GAD2: variants seen among roughly 807,000 people sequenced by gnomAD.
The protein encoded by GAD2 is 65 kDa glutamic acid decarboxylase.
Under a neutral mutation model 80.1 loss-of-function variants are expected in GAD2, and 22 were observed. The observed-to-expected ratio is 0.27, with a 90% CI of 0.20 to 0.39. GAD2 has a LOEUF of 0.39. Among genes scored for constraint, GAD2 ranks in the 10% least tolerant of loss-of-function variants. The pLI is 1.00. For synonymous variants in GAD2, 274 were observed against 256.9 expected, an observed-to-expected ratio of 1.07 and a Z score of -0.64; for missense variants, 624 against 738.4, an observed-to-expected ratio of 0.85 and a Z score of 1.80.
chr10:26,291,114 A>G lies in GAD2; in HGVS notation c.1387-1351A>G, dbSNP rs905856506. On this transcript the variant is annotated intron_variant, in intron 13 of 15. Coordinates refer to ENST00000376261, the MANE Select transcript of GAD2 (RefSeq NM_001134366.2). Reference sequence around the variant, plus strand: ...GTTGGCCAAAGCCATTCATCTGGACAGGGTCAGAGGCAAGCTGGTCATGCC... The same window carrying G: ...GTTGGCCAAAGCCATTCATCTGGACGGGGTCAGAGGCAAGCTGGTCATGCC... Among the ~76,000 whole-genome samples the G allele has an allele frequency of 5.3e-5, 8 of 152,370 alleles. No individual in the cohort carries two copies. In the East Asian group the frequency reaches 1.5e-3, roughly 29 times the overall value.
rs191813826 is a variant in GAD2, at chr10:26,233,583, A to G, written c.840+3806A>G. Among the ~76,000 whole-genome samples, 4 of 152,294 alleles carry G rather than the reference A, an allele frequency of 2.6e-5. No individual in the cohort carries two copies. In the East Asian group the frequency reaches 7.7e-4, roughly 29 times the overall value. On this transcript the variant is annotated intron_variant, in intron 7 of 15. Coordinates refer to ENST00000376261, the MANE Select transcript of GAD2 (RefSeq NM_001134366.2). ...GTTCCTTCTGGGCTCTAGACCTCAG[A>G]CATTATTTTCAATTCATCATTTAGT... is the stretch of plus-strand genomic sequence containing the variant.
rs1018582427 is a variant in GAD2, at chr10:26,250,231, G to A, written c.920+4231G>A. 3.3e-5 allele frequency among the ~76,000 whole-genome samples: 5 copies of A among 152,092 alleles called. No homozygotes were observed. The South Asian group carries it at 1.0e-3, about 32-fold the overall frequency. On this transcript the variant is annotated intron_variant, in intron 8 of 15. Transcript: ENST00000376261. Reference sequence around the variant, plus strand: ...GAGTCTCACTATGTTGACCAAGATGGTCTTGAACTCCTAGCCTCAAACAAT... The same window carrying A: ...GAGTCTCACTATGTTGACCAAGATGATCTTGAACTCCTAGCCTCAAACAAT...
At chr10:26,261,340 A>G (rs1023959845) in intron 8 of GAD2, among the ~76,000 whole-genome samples, 3 of 152,162 alleles carry the variant, frequency 2.0e-5, no homozygotes, top group Admixed American at 2.0e-4. Context: ...ATTTTGGTCT[A>G]TGGTGTTTGG....
intron 6 of GAD2, among the ~76,000 whole-genome samples, chr10:26,228,801 C>T (rs925745587): frequency 6.6e-6 from 1 of 152,032 alleles, no homozygotes; most frequent in Non-Finnish European, 1.5e-5. Context: ...CTCCACCCCA[C>T]CCCCACCAGC....
intron 8 of GAD2, among the ~76,000 whole-genome samples, chr10:26,246,401 C>G (rs1434935464): frequency 6.6e-6 from 1 of 152,114 alleles, no homozygotes; most frequent in Non-Finnish European, 1.5e-5. Flanking sequence ...GTATAGGGAG[C>G]AGGAAGTAAA....
At position 26,286,345 on chromosome 10, in the gene GAD2, G is replaced by A. The variant is rs185111133; in HGVS notation, c.1237G>A (p.Gly413Arg). 25 of 1,612,024 alleles carry A rather than the reference G, an allele frequency of 1.6e-5. No homozygotes were observed. In the African/African-American group the frequency reaches 2.8e-4, roughly 18 times the overall value. Residue 413 changes from glycine to arginine, a missense_variant and splice_region_variant, in exon 13 of 16, where the codon GGA becomes AGA. By Grantham distance (125) the Gly-to-Arg change is moderately radical. Transcript: ENST00000376261. The part of the protein sequence containing the change: ...QCSALLVREE[G>R]LMQNCNQMHA... ...CTAAATTTTCTCTTCTCTCTTGTAG[G>A]GATTGATGCAGAATTGCAACCAAAT...
intron 7 of GAD2, among the ~76,000 whole-genome samples, chr10:26,234,565 T>C (rs1844647031): frequency 1.3e-5 from 2 of 152,218 alleles, no homozygotes; most frequent in African/African-American, 4.8e-5. Flanking sequence ...AAGGATAGGC[T>C]CTGGAATCAG....
intron 8 of GAD2, among the ~76,000 whole-genome samples, chr10:26,252,107 C>T (rs1485542729): frequency 6.6e-6 from 1 of 152,208 alleles, no homozygotes; most frequent in Non-Finnish European, 1.5e-5. Context: ...AAAGTTCATT[C>T]AGCCTTCCCA....
chr10:26,299,149 G>A (rs904997082), intron 15 of GAD2, among the ~76,000 whole-genome samples: 1 of 152,188 alleles, frequency 6.6e-6, no homozygotes, highest in African/African-American at 2.4e-5. Flanking sequence ...TCTACCTGTT[G>A]ACCTTGTCTT....
intron 15 of GAD2, among the ~76,000 whole-genome samples, chr10:26,299,744 C>A (rs1257519615): frequency 6.6e-6 from 1 of 152,120 alleles, no homozygotes; most frequent in African/African-American, 2.4e-5. Flanking sequence ...TAGTCAGAAT[C>A]TATGGGGAAG....
At chr10:26,223,334 T>C (rs1223974908) in intron 4 of GAD2, among the ~76,000 whole-genome samples, 1 of 152,210 alleles carries the variant, frequency 6.6e-6, no homozygotes, top group East Asian at 1.9e-4. Context: ...CAGCAGAGTG[T>C]CCTATTTTCT....
intron 4 of GAD2, among the ~76,000 whole-genome samples, chr10:26,221,684 G>A (rs1333301311): frequency 1.3e-5 from 2 of 152,222 alleles, no homozygotes; most frequent in South Asian, 2.1e-4. Flanking sequence ...CTGGTTGTTC[G>A]CAGAGTCTGC....
At chr10:26,274,531 A>G (rs1423966344) in intron 11 of GAD2, among the ~76,000 whole-genome samples, 1 of 152,188 alleles carries the variant, frequency 6.6e-6, no homozygotes, top group Non-Finnish European at 1.5e-5. Flanking sequence ...GAGGCTGCCA[A>G]ATGCCCACCA....
At chr10:26,243,581 A>G (rs1401645439) in intron 7 of GAD2, among the ~76,000 whole-genome samples, 1 of 152,212 alleles carries the variant, frequency 6.6e-6, no homozygotes, top group Non-Finnish European at 1.5e-5. Context: ...ACAACCATTG[A>G]GACACACAGT....
intron 13 of GAD2, among the ~76,000 whole-genome samples, chr10:26,289,541 A>T (rs77814304): frequency 0.015 from 2,242 of 152,070 alleles, 60 homozygotes; most frequent in African/African-American, 0.05. Flanking sequence ...TGCAAAAAAT[A>T]AGACCCCTGA....
chr10:26,294,137 AGTTGATTTGGT>A (rs1431779764), intron 15 of GAD2, among the ~76,000 whole-genome samples: 1 of 152,162 alleles, frequency 6.6e-6, no homozygotes, highest in Non-Finnish European at 1.5e-5. Flanking sequence ...TGGATCTCAG[AGTTGATTTGGT>A]TGGTTTGGGG....
In GAD2 at chr10:26,261,023, A is replaced by G. The variant is rs1364281066; in HGVS notation, c.921-8096A>G. On this transcript the variant is annotated intron_variant, in intron 8 of 15. Transcript: ENST00000376261. ...AGGGTATCCATCCCCTCAAGCATTT[A>G]TCCTTGCAAAGTTGAGTATTTTATA... Among the ~76,000 whole-genome samples, 8 of 152,350 alleles carry G rather than the reference A, an allele frequency of 5.3e-5. No individual in the cohort carries two copies. In the South Asian group the frequency reaches 1.7e-3, roughly 32 times the overall value.
chr10:26,237,434 C>A (rs1844687999), intron 7 of GAD2, among the ~76,000 whole-genome samples: 1 of 151,880 alleles, frequency 6.6e-6, no homozygotes, highest in Non-Finnish European at 1.5e-5. Flanking sequence ...GAGGATGAAG[C>A]AAGATGATAC....
At chr10:26,220,137 G>C (rs1016633764) in intron 4 of GAD2, among the ~76,000 whole-genome samples, 1 of 152,022 alleles carries the variant, frequency 6.6e-6, no homozygotes, top group African/African-American at 2.4e-5. Flanking sequence ...CGCTTTTTAC[G>C]TTGTCTCTAA....
Sources: gnomAD v4.1 joint callset for allele counts (sites outside exome capture counted in the v4.1 genomes callset) on GRCh38, gnomAD v4.1.1 for gene constraint, MANE v1.5 for transcripts, NCBI Gene and HGNC (gene_info 2026-07-23, HGNC 2026-07-21) for gene names.